PCDHGA3: variants seen among roughly 807,000 people sequenced by gnomAD.
PCDHGA3 encodes protocadherin gamma-A3.
Under a neutral mutation model 58.5 loss-of-function variants are expected in PCDHGA3, and 40 were observed. That is an observed-to-expected ratio of 0.68 (90% CI 0.53 to 0.89). The LOEUF is 0.89. Among genes scored for constraint, PCDHGA3 ranks in the 40% least tolerant of loss-of-function variants. The pLI is 0.00. For missense variants in PCDHGA3, 1,223 were observed against 1,195.9 expected (o/e 1.02, Z -0.33); for synonymous variants, 530 against 525.7 (o/e 1.01, Z -0.11).
chr5:141,374,208 G>T (rs777295061), intron 1 of PCDHGA3: 11 of 1,613,952 alleles, frequency 6.8e-6, no homozygotes, highest in South Asian at 3.3e-5. Flanking sequence ...CTGGAGAAAG[G>T]CTCCTTCGTA....
chr5:141,366,642 C>T, intron 1 of PCDHGA3: 2 of 1,614,238 alleles, frequency 1.2e-6, no homozygotes, highest in Non-Finnish European at 1.7e-6. Flanking sequence ...CTGATCTTTC[C>T]CCAGCCCAAC....
intron 1 of PCDHGA3, chr5:141,412,940 T>G: frequency 2.2e-6 from 1 of 463,218 alleles, no homozygotes; most frequent in Non-Finnish European, 3.8e-6. Context: ...CTTAGGACTC[T>G]GAGCGCCGCT....
intron 1 of PCDHGA3, chr5:141,408,314 C>A (rs1408322838): frequency 1.2e-6 from 2 of 1,613,846 alleles, no homozygotes; most frequent in Admixed American, 3.3e-5. Context: ...CTACTCGATT[C>A]CGGAGGAGCT....
chr5:141,351,614 T>C (rs1275277369), intron 1 of PCDHGA3: 7 of 1,613,886 alleles, frequency 4.3e-6, no homozygotes, highest in Non-Finnish European at 5.9e-6. Flanking sequence ...CCATCAGGCC[T>C]CCTATGTGGT....
chr5:141,489,238 G>A lies in PCDHGA3; in HGVS notation c.2425-5569G>A. On this transcript the variant is annotated intron_variant, in intron 1 of 3. Coordinates refer to ENST00000253812, the MANE Select transcript of PCDHGA3 (RefSeq NM_018916.4). The surrounding 1 kb of genome is among the most constrained non-coding windows in gnomAD (Gnocchi z 4.5). ...TTACTCTCCACAAAGGGACTTCTGG[G>A]TCATGGGGCCCAAGACACTCCCACA... 6.5e-7 allele frequency: 1 copy of A among 1,534,146 alleles called. No homozygotes were observed.
chr5:141,458,350 A>C (rs1259508706), intron 1 of PCDHGA3, among the ~76,000 whole-genome samples: 1 of 152,162 alleles, frequency 6.6e-6, no homozygotes, highest in East Asian at 1.9e-4. Flanking sequence ...GGAGAGTTTA[A>C]TAAGCAAGAA....
intron 1 of PCDHGA3, chr5:141,405,039 C>T (rs1227328278): frequency 1.2e-6 from 2 of 1,613,880 alleles, no homozygotes; most frequent in Non-Finnish European, 1.7e-6. Flanking sequence ...CTCGTTGTGG[C>T]TGTGGCAGTC....
At chr5:141,359,574 T>C (rs1001911396) in intron 1 of PCDHGA3, among the ~76,000 whole-genome samples, 1 of 151,702 alleles carries the variant, frequency 6.6e-6, no homozygotes, top group African/African-American at 2.4e-5. Context: ...GATATGATCT[T>C]TAAGATATAA....
chr5:141,374,519 G>C (rs769907625), intron 1 of PCDHGA3: 94 of 1,612,334 alleles, frequency 5.8e-5, no homozygotes, highest in Non-Finnish European at 7.8e-5. Flanking sequence ...TCTCGAAAAC[G>C]CAGCTCCATC....
intron 1 of PCDHGA3, chr5:141,404,707 C>T: frequency 6.2e-7 from 1 of 1,614,122 alleles, no homozygotes; most frequent in Non-Finnish European, 8.5e-7. Flanking sequence ...CAGAGCCTGG[C>T]TACCTGGTGA....
At chr5:141,422,038 G>A (rs949164524) in intron 1 of PCDHGA3, 9 of 1,611,746 alleles carry the variant, frequency 5.6e-6, no homozygotes, top group Non-Finnish European at 7.6e-6. Context: ...AACGGATCCA[G>A]ACGAGGGAAT....
chr5:141,495,752 C>G (rs1310125902), intron 2 of PCDHGA3, among the ~76,000 whole-genome samples: 1 of 152,150 alleles, frequency 6.6e-6, no homozygotes, highest in Non-Finnish European at 1.5e-5. Flanking sequence ...TTCTCTATCT[C>G]TGCCTCCCTG....
At position 141,489,728 on chromosome 5, in the gene PCDHGA3, G is replaced by T; in HGVS notation, c.2425-5079G>T. ...GACAGTGCCCAGGATCCGGATGTGGGCACCAATACTGTGAGCTTTTACACT... is the reference window on the plus strand; with the variant it reads ...GACAGTGCCCAGGATCCGGATGTGGTCACCAATACTGTGAGCTTTTACACT... On this transcript the variant is annotated intron_variant, in intron 1 of 3. Transcript: ENST00000253812. The surrounding 1 kb of genome is among the most constrained non-coding windows in gnomAD (Gnocchi z 4.5). The T allele has an allele frequency of 3.1e-6, 5 of 1,614,138 alleles. No homozygotes were observed. The South Asian group carries it at 5.5e-5, about 18-fold the overall frequency.
chr5:141,431,474 G>T lies in PCDHGA3; in HGVS notation c.2425-63333G>T, dbSNP rs747313827. 3.7e-6 allele frequency: 6 copies of T among 1,613,842 alleles called. No homozygotes were observed. The South Asian group carries it at 6.6e-5, about 18-fold the overall frequency. ...GATGGTTCTGGATGCGAACGACAAC[G>T]CACCAGCGTTTGCTCAGCCCGAGTA... is the stretch of plus-strand genomic sequence containing the variant. On this transcript the variant is annotated intron_variant, in intron 1 of 3. Transcript: ENST00000253812. The surrounding 1 kb of genome is among the most constrained non-coding windows in gnomAD (Gnocchi z 4.8).
At chr5:141,507,429 G>C (rs1191174823) in intron 3 of PCDHGA3, 3 of 152,238 alleles carry the variant, frequency 2.0e-5, no homozygotes, top group African/African-American at 7.2e-5. Flanking sequence ...AGTGGGGCCA[G>C]GCCTACAGCT....
At chr5:141,475,813 T>C in intron 1 of PCDHGA3, 1 of 334,788 alleles carries the variant, frequency 3.0e-6, no homozygotes, top group East Asian at 5.5e-5. Flanking sequence ...GAAAGTGAAG[T>C]TCCTGGCGCT....
chr5:141,347,125 TCC>T, intron 1 of PCDHGA3, among the ~76,000 whole-genome samples: 6 of 137,672 alleles, frequency 4.4e-5, no homozygotes, highest in African/African-American at 8.0e-5. Context: ...CTTCCTTCCT[TCC>T]TCTGTTTCTC....
In PCDHGA3 at chr5:141,511,330, T is replaced by C; in HGVS notation, c.*157T>C. 1 of 1,455,994 alleles carries C rather than the reference T, an allele frequency of 6.9e-7. No homozygotes were observed. The highest frequency in any genetic ancestry group is 9.1e-7 in the Non-Finnish European group (1 of 1,093,254). 90.2% of individuals were successfully genotyped at this position (1,455,994 alleles called of 1,614,324 possible). ...TTGGGAAACAGAAACAAGTGCCCAG[T>C]CAGCACCTACCCCTTCCCCCCCAGG... On this transcript the variant is annotated 3_prime_UTR_variant, in exon 4 of 4. Coordinates refer to ENST00000253812, the MANE Select transcript of PCDHGA3 (RefSeq NM_018916.4).
rs2094361083 is a variant in PCDHGA3 at position 141,403,148 on chromosome 5, A to T, written c.2424+56691A>T. The T allele has an allele frequency of 2.5e-6, 4 of 1,614,050 alleles. No homozygotes were observed. The South Asian group carries it at 4.4e-5, about 18-fold the overall frequency. On this transcript the variant is annotated intron_variant, in intron 1 of 3. Coordinates refer to ENST00000253812, the MANE Select transcript of PCDHGA3 (RefSeq NM_018916.4). ...GGAGCTGGCGGAGCGCCGAGTCCGC[A>T]TCGTCTCTAGAGGTAGGACGCAGCT...
Sources: gnomAD v4.1 joint callset for allele counts (sites outside exome capture counted in the v4.1 genomes callset) on GRCh38, gnomAD v4.1.1 for gene constraint, Gnocchi (gnomAD v3.1) non-coding constraint, MANE v1.5 for transcripts, NCBI Gene and HGNC (gene_info 2026-07-23, HGNC 2026-07-21) for gene names.